CASQ2: variants seen among roughly 807,000 people sequenced by gnomAD.
CASQ2 encodes the protein calsequestrin 2, also known as calsequestrin-2.
A neutral mutation model predicts 46.5 loss-of-function variants in CASQ2; 49 were observed. That is an observed-to-expected ratio of 1.05 (90% confidence interval 0.84 to 1.34). The LOEUF is 1.34. CASQ2 is among the 40% of genes most tolerant of loss of function. The pLI, the probability that CASQ2 is intolerant of heterozygous loss-of-function variation, is 0.00. For missense variants in CASQ2, 486 were observed against 481.3 expected (o/e 1.01, Z -0.09); for synonymous variants, 174 against 168.5 (o/e 1.03, Z -0.25).
intron 6 of CASQ2, among the ~76,000 whole-genome samples, chr1:115,726,680 T>C (rs939905857): frequency 2.6e-5 from 4 of 152,246 alleles, no homozygotes; most frequent in Non-Finnish European, 5.9e-5. Context: ...GGCATGGTTA[T>C]TGGTATATGG....
intron 1 of CASQ2, among the ~76,000 whole-genome samples, chr1:115,767,487 C>T (rs929194355): frequency 4.6e-5 from 7 of 152,114 alleles, no homozygotes; most frequent in East Asian, 1.9e-4. Context: ...CACAGGTTTG[C>T]GCCTGGGCTA....
At chr1:115,728,375 A>G (rs748184541) in intron 5 of CASQ2, among the ~76,000 whole-genome samples, 52 of 152,334 alleles carry the variant, frequency 3.4e-4, no homozygotes, top group Admixed American at 5.9e-4. Context: ...GTTGACAGCT[A>G]TAGTCAGTCA....
At chr1:115,740,289 G>A (rs1648131390) in intron 3 of CASQ2, among the ~76,000 whole-genome samples, 1 of 152,152 alleles carries the variant, frequency 6.6e-6, no homozygotes, top group Non-Finnish European at 1.5e-5. Context: ...GTGATACTGG[G>A]GGGCTGTTTA....
intron 4 of CASQ2, among the ~76,000 whole-genome samples, chr1:115,735,603 AT>A (rs1287085192): frequency 2.3e-4 from 35 of 152,358 alleles, no homozygotes; most frequent in African/African-American, 7.9e-4. Flanking sequence ...TTTAAGAATG[AT>A]TATTAAGATC....
chr1:115,700,778 A>C lies in CASQ2; in HGVS notation c.*463T>G. ...TTGGCTGGAGGAGGGATCCCAACTG[A>C]TGTTCGAGGTATGGAGGGAGCTAAA... is the stretch of plus-strand genomic sequence containing the variant. On this transcript the variant is annotated 3_prime_UTR_variant, in exon 11 of 11. Coordinates refer to ENST00000261448, the MANE Select transcript of CASQ2 (RefSeq NM_001232.4). 1 of 447,812 alleles carries C rather than the reference A, an allele frequency of 2.2e-6. No individual in the cohort carries two copies. Among genetic ancestry groups the C allele is most frequent in the Non-Finnish European group, 3.9e-6 (1 of 255,942 alleles). 27.7% of individuals were successfully genotyped at this position (447,812 alleles called of 1,614,324 possible).
chr1:115,718,942 T>C (rs888323904), intron 7 of CASQ2, among the ~76,000 whole-genome samples: 5 of 151,956 alleles, frequency 3.3e-5, no homozygotes, highest in African/African-American at 9.7e-5. Flanking sequence ...GCCGAGTGCA[T>C]AGTGATGATG....
intron 8 of CASQ2, among the ~76,000 whole-genome samples, chr1:115,716,851 T>C (rs3010390): frequency 0.037 from 5,674 of 152,230 alleles, 352 homozygotes; most frequent in African/African-American, 0.13. Flanking sequence ...ATAGACAAAA[T>C]TTAAGACATG....
chr1:115,766,912 T>C (rs1052131462), intron 1 of CASQ2, among the ~76,000 whole-genome samples: 1 of 141,542 alleles, frequency 7.1e-6, no homozygotes, highest in African/African-American at 2.5e-5. Flanking sequence ...GATAGATAGA[T>C]AGATAGAAGG....
chr1:115,711,509 C>T (rs1654542415), intron 8 of CASQ2, among the ~76,000 whole-genome samples: 1 of 151,980 alleles, frequency 6.6e-6, no homozygotes, highest in South Asian at 2.1e-4. Context: ...TGTAGGGAGA[C>T]ACATGCAGAA....
chr1:115,752,495 G>A (rs1469682735), intron 1 of CASQ2, among the ~76,000 whole-genome samples: 3 of 152,020 alleles, frequency 2.0e-5, no homozygotes, highest in Non-Finnish European at 4.4e-5. Flanking sequence ...GAAAAGGGGA[G>A]GCCAGCTAGA....
intron 1 of CASQ2, among the ~76,000 whole-genome samples, chr1:115,749,074 T>C (rs1191735381): frequency 6.6e-6 from 1 of 152,238 alleles, no homozygotes; most frequent in Non-Finnish European, 1.5e-5. Context: ...TATAAATGGT[T>C]GTCAGCACAT....
intron 1 of CASQ2, among the ~76,000 whole-genome samples, chr1:115,765,744 G>A (rs1649113622): frequency 1.3e-5 from 2 of 152,002 alleles, no homozygotes. Context: ...AAGCTGCGAG[G>A]GGGAAGGGAG....
intron 7 of CASQ2, among the ~76,000 whole-genome samples, chr1:115,722,185 G>A (rs879366356): frequency 1.3e-5 from 2 of 152,188 alleles, no homozygotes; most frequent in South Asian, 2.1e-4. Flanking sequence ...GTTCCAGAAC[G>A]GGGAGGGAAG....
chr1:115,761,528 A>AGAAGAGGAAG (rs1553197305), intron 1 of CASQ2, among the ~76,000 whole-genome samples: 2 of 78,724 alleles, frequency 2.5e-5, no homozygotes, highest in African/African-American at 9.1e-5. Context: ...AAGAAGAAGA[A>AGAAGAGGAAG]GAGTTCATAA....
intron 4 of CASQ2, among the ~76,000 whole-genome samples, chr1:115,735,741 A>C (rs1179126820): frequency 6.6e-6 from 1 of 152,228 alleles, no homozygotes; most frequent in Non-Finnish European, 1.5e-5. Context: ...AAGGAATATG[A>C]ACATTACATT....
intron 8 of CASQ2, among the ~76,000 whole-genome samples, chr1:115,710,303 C>T (rs769159258): frequency 5.4e-4 from 82 of 152,264 alleles, no homozygotes; most frequent in Middle Eastern, 3.4e-3. Flanking sequence ...TTTATCATCT[C>T]CATTTTAAAG....
chr1:115,722,018 G>T (rs1201439461), intron 7 of CASQ2, among the ~76,000 whole-genome samples: 2 of 152,170 alleles, frequency 1.3e-5, no homozygotes, highest in Non-Finnish European at 2.9e-5. Flanking sequence ...ATGGAAAGTG[G>T]CTCCTCAGAG....
At chr1:115,747,006 G>A (rs1195993691) in intron 1 of CASQ2, among the ~76,000 whole-genome samples, 1 of 152,026 alleles carries the variant, frequency 6.6e-6, no homozygotes, top group African/African-American at 2.4e-5. Flanking sequence ...AAGTCCAGTT[G>A]ATCACTTTTT....
At chr1:115,761,369 C>G (rs11578864) in intron 1 of CASQ2, among the ~76,000 whole-genome samples, 129 of 108,922 alleles carry the variant, frequency 1.2e-3, no homozygotes, top group Admixed American at 2.3e-3. Flanking sequence ...TGCACTCCAG[C>G]CTGGGCAACA....
Sources: allele counts gnomAD v4.1 joint callset (sites outside exome capture counted in the v4.1 genomes callset), GRCh38; gene constraint gnomAD v4.1.1; transcripts MANE v1.5; gene names NCBI Gene and HGNC (gene_info 2026-07-23, HGNC 2026-07-21).